ST7: variants seen among roughly 807,000 people sequenced by gnomAD.
ST7 encodes suppressor of tumorigenicity 7 protein.
Under a neutral mutation model 78.7 loss-of-function variants are expected in ST7, and 28 were observed. The observed-to-expected ratio is 0.36, with a 90% CI of 0.26 to 0.49. The LOEUF (loss-of-function observed/expected upper bound fraction) is 0.49. Ranked by LOEUF, ST7 falls within the 20% of genes least tolerant of loss-of-function variation. The pLI, the probability that ST7 is intolerant of heterozygous loss-of-function variation, is 0.99. For synonymous variants in ST7, 247 were observed against 249.6 expected (o/e 0.99, Z 0.10); for missense variants, 418 against 696.0 (o/e 0.60, Z 4.49).
At chr7:117,168,097 A>G (rs1219114603) in intron 9 of ST7, among the ~76,000 whole-genome samples, 1 of 152,208 alleles carries the variant, frequency 6.6e-6, no homozygotes, top group Non-Finnish European at 1.5e-5. Flanking sequence ...TAATTGTCAT[A>G]TGACTTTGAT....
intron 8 of ST7, chr7:117,136,896 CA>C (rs1804836824): frequency 6.6e-6 from 1 of 152,198 alleles, no homozygotes; most frequent in Non-Finnish European, 1.5e-5. Flanking sequence ...CGTGGGGGAA[CA>C]GTATAGAAAC....
intron 15 of ST7, among the ~76,000 whole-genome samples, chr7:117,229,407 T>C (rs1264201703): frequency 1.3e-5 from 2 of 152,234 alleles, no homozygotes; most frequent in Non-Finnish European, 1.5e-5. Flanking sequence ...TTTTTAACTC[T>C]TGTGCCCACT....
At chr7:116,996,590 G>A (rs1020066095) in intron 1 of ST7, among the ~76,000 whole-genome samples, 2 of 152,168 alleles carry the variant, frequency 1.3e-5, no homozygotes, top group African/African-American at 4.8e-5. Context: ...TTAGGAATCT[G>A]TTATGTTCCC....
intron 1 of ST7, chr7:117,073,884 T>A (rs1799154186): frequency 6.6e-6 from 1 of 152,218 alleles, no homozygotes; most frequent in Non-Finnish European, 1.5e-5. Context: ...TGGATATTGT[T>A]CTCGTGGAAT....
intron 10 of ST7, among the ~76,000 whole-genome samples, chr7:117,172,895 ATT>A (rs1808103225): frequency 3.9e-5 from 6 of 152,224 alleles, no homozygotes; most frequent in Non-Finnish European, 8.8e-5. Flanking sequence ...GAAGATCTCC[ATT>A]TGTTACAGAA....
At chr7:117,160,592 A>T (rs1807059959) in intron 9 of ST7, among the ~76,000 whole-genome samples, 1 of 151,936 alleles carries the variant, frequency 6.6e-6, no homozygotes. Context: ...CATCCCTCAC[A>T]AATATGAGTT....
At position 117,124,811 on chromosome 7, in the gene ST7, A is replaced by T. The variant is rs887175864; in HGVS notation, c.395-4982A>T. ...TTAAATGAGGTCATGTGGAAATGTC[A>T]GGTCAGAGGACAGCCATTTGGCAGT... On this transcript the variant is annotated intron_variant, in intron 3 of 15. Coordinates refer to ENST00000323984, the MANE Select transcript of ST7 (RefSeq NM_001369598.1). Among the ~76,000 whole-genome samples, 8 of 152,302 alleles carry T rather than the reference A, an allele frequency of 5.3e-5. No individual in the cohort carries two copies. The East Asian group carries it at 1.5e-3, about 29-fold the overall frequency.
chr7:116,956,506 G>A (rs1792500017), intron 1 of ST7: 2 of 471,088 alleles, frequency 4.2e-6, no homozygotes, highest in South Asian at 3.1e-5. Context: ...TTAGGGAGTT[G>A]CAGATGGCGC....
chr7:117,009,782 C>T (rs1795313808), intron 1 of ST7, among the ~76,000 whole-genome samples: 1 of 152,096 alleles, frequency 6.6e-6, no homozygotes, highest in Non-Finnish European at 1.5e-5. Flanking sequence ...GGAGACCACA[C>T]AGCACCTCTT....
At chr7:117,070,572 T>G in intron 1 of ST7, among the ~76,000 whole-genome samples, 1 of 152,142 alleles carries the variant, frequency 6.6e-6, no homozygotes, top group Non-Finnish European at 1.5e-5. Context: ...AGACAAGTCT[T>G]GCTCTATCGC....
intron 2 of ST7, among the ~76,000 whole-genome samples, chr7:117,115,130 C>A (rs1286105980): frequency 6.6e-6 from 1 of 152,070 alleles, no homozygotes. Context: ...TTCCTCAGCC[C>A]TCTCATTCCC....
chr7:117,014,856 G>C lies in ST7; in HGVS notation c.151+61165G>C, dbSNP rs1795535049. 1.5e-5 allele frequency: 8 copies of C among 528,844 alleles called. No individual in the cohort carries two copies. In the South Asian group the frequency reaches 7.8e-4, roughly 52 times the overall value. The allele number at this position is 528,844 out of a possible 1,614,324, so 32.8% of individuals were successfully genotyped here. ...GCAGAGCCCAGCCGTTGCCGCTTGA[G>C]AGAGATAAGCAGAAGTGTGGGTGTG... On this transcript the variant is annotated intron_variant, in intron 1 of 15. Coordinates refer to ENST00000323984, the MANE Select transcript of ST7 (RefSeq NM_001369598.1).
intron 2 of ST7, among the ~76,000 whole-genome samples, chr7:117,111,782 A>G (rs1207372278): frequency 6.6e-6 from 1 of 152,216 alleles, no homozygotes; most frequent in African/African-American, 2.4e-5. Flanking sequence ...CTTATCTGCT[A>G]GCAAAGACAT....
At position 117,219,296 on chromosome 7, in the gene ST7, T is replaced by A; in HGVS notation, c.1498+120T>A. On this transcript the variant is annotated intron_variant, in intron 14 of 15. Transcript: ENST00000323984. This position sits in a 1 kb window ranked among gnomAD's most constrained non-coding sequence, Gnocchi z 5.1. ...TTTATTACTTTTCTCCAAACCCCTG[T>A]CCTTGTTTGATAGCATATGTATTAA... 1.2e-6 allele frequency: 1 copy of A among 822,530 alleles called. No individual in the cohort carries two copies. The highest frequency in any genetic ancestry group is 1.7e-5 in the South Asian group (1 of 58,562). 51.0% of individuals were successfully genotyped at this position (822,530 alleles called of 1,614,324 possible). A position where few individuals can be genotyped will look rare whatever the true frequency, so the allele number is the denominator to read the frequency against.
chr7:116,966,447 C>T (rs1258931994), intron 1 of ST7, among the ~76,000 whole-genome samples: 1 of 151,922 alleles, frequency 6.6e-6, no homozygotes, highest in Non-Finnish European at 1.5e-5. Context: ...GACGATGTTG[C>T]ACTATGTTGG....
At chr7:116,996,082 G>GT (rs71148355) in intron 1 of ST7, among the ~76,000 whole-genome samples, 18,687 of 130,160 alleles carry the variant, frequency 0.14, 2,165 homozygotes, top group African/African-American at 0.3. Flanking sequence ...CAGATTCCCC[G>GT]TTTTTTTTTT....
rs546349588 is a variant in ST7 at position 116,971,499 on chromosome 7, T to A, written c.151+17808T>A. On this transcript the variant is annotated intron_variant, in intron 1 of 15. Coordinates refer to ENST00000323984, the MANE Select transcript of ST7 (RefSeq NM_001369598.1). ...TGGTCTCAGAGTTCTTACATCCTGA[T>A]TTGGTCAATTCTAATGAAAAAAAAA... 9.2e-5 allele frequency among the ~76,000 whole-genome samples: 14 copies of A among 152,116 alleles called. No individual in the cohort carries two copies. The East Asian group carries it at 2.5e-3, about 27-fold the overall frequency.
chr7:117,199,884 T>C (rs1329952495), intron 12 of ST7, among the ~76,000 whole-genome samples: 2 of 152,202 alleles, frequency 1.3e-5, no homozygotes, highest in African/African-American at 4.8e-5. Context: ...TCCCGTGCTT[T>C]GCTGTTACAA....
At chr7:117,172,965 G>T (rs991304784) in intron 10 of ST7, among the ~76,000 whole-genome samples, 6 of 152,192 alleles carry the variant, frequency 3.9e-5, no homozygotes, top group African/African-American at 1.4e-4. Flanking sequence ...ACTCTCCATT[G>T]TCTCTAACTA....
Sources: gnomAD v4.1 joint callset for allele counts (sites outside exome capture counted in the v4.1 genomes callset) on GRCh38, gnomAD v4.1.1 for gene constraint, Gnocchi (gnomAD v3.1) non-coding constraint, MANE v1.5 for transcripts, NCBI Gene and HGNC (gene_info 2026-07-23, HGNC 2026-07-21) for gene names.